Variants in WDR59 observed in about 807,000 individuals in gnomAD.
The protein encoded by WDR59 is GATOR2 complex protein WDR59.
In WDR59, 100 loss-of-function variants were observed where a neutral mutation model predicts 131.2. That is an observed-to-expected ratio of 0.76 (90% CI 0.65 to 0.90). The LOEUF (loss-of-function observed/expected upper bound fraction) is 0.90, where lower values mean the gene tolerates loss of function less well. WDR59 is among the 40% of genes least tolerant of loss of function. The probability of loss-of-function intolerance (pLI) is 0.00; values close to 1 mark genes in which losing one functional copy is unlikely to be tolerated. For missense variants in WDR59, 1,203 were observed against 1,262.2 expected, an observed-to-expected ratio of 0.95 and a Z score of 0.71; for synonymous variants, 601 against 466.2, an observed-to-expected ratio of 1.29 and a Z score of -3.72.
chr16:74,923,152 T>G (rs1425299665), intron 9 of WDR59, among the ~76,000 whole-genome samples: 1 of 152,074 alleles, frequency 6.6e-6, no homozygotes, highest in African/African-American at 2.4e-5. Flanking sequence ...TATCACAATT[T>G]TAAAAAAAGG....
In WDR59 at chr16:74,874,256, A is replaced by C. The variant is rs773068936; in HGVS notation, c.2878T>G (p.Cys960Gly). 2 of 1,614,160 alleles carry C rather than the reference A, an allele frequency of 1.2e-6. No homozygotes were observed. Among genetic ancestry groups the C allele is most frequent in the Non-Finnish European group, 8.5e-7 (1 of 1,180,032 alleles). The change falls in exon 26 of 26, where the codon TGT (cysteine) becomes GGT (glycine). Residue 960 changes from cysteine (C) to glycine (G), a missense_variant. By Grantham distance (159) the Cys-to-Gly change is radical. Transcript: ENST00000262144. ...CAGTGGCACCCACACCCGGTGGGACACACCTCCTGGGTCCGAAACCACTCC... is the reference window on the plus strand; with the variant it reads ...CAGTGGCACCCACACCCGGTGGGACCCACCTCCTGGGTCCGAAACCACTCC... ...MMEWFRTQEV[C>G]PTGCGCHCLL...
chr16:74,924,096 C>A, intron 8 of WDR59, 93 bp from the exon 9 acceptor site: 1 of 1,240,730 alleles, frequency 8.1e-7, no homozygotes, highest in Non-Finnish European at 1.2e-6. Flanking sequence ...TGCTTCTGGT[C>A]CTCTAAAGAT....
intron 8 of WDR59, among the ~76,000 whole-genome samples, chr16:74,928,984 C>T (rs2031134291): frequency 6.6e-6 from 1 of 152,096 alleles, no homozygotes; most frequent in Admixed American, 6.6e-5. Context: ...GGATTAATAA[C>T]CAGAATATAT....
chr16:74,915,235 C>G (rs914253676), intron 13 of WDR59, among the ~76,000 whole-genome samples: 2 of 152,076 alleles, frequency 1.3e-5, no homozygotes, highest in African/African-American at 4.8e-5. Flanking sequence ...TCAGCAGCAA[C>G]CTCTGCCAAA....
chr16:74,881,882 A>G (rs997505096), intron 25 of WDR59, among the ~76,000 whole-genome samples: 2 of 151,214 alleles, frequency 1.3e-5, no homozygotes, highest in African/African-American at 2.4e-5. Context: ...CAAAAAAAAA[A>G]AAAAAGAAAA....
At chr16:74,929,265 CG>C (rs2031162981) in intron 8 of WDR59, among the ~76,000 whole-genome samples, 1 of 152,064 alleles carries the variant, frequency 6.6e-6, no homozygotes, top group South Asian at 2.1e-4. Flanking sequence ...TTAGTAGAGA[CG>C]GGGTTTCACT....
chr16:74,933,234 A>C (rs2031542516), intron 8 of WDR59, among the ~76,000 whole-genome samples: 1 of 152,160 alleles, frequency 6.6e-6, no homozygotes, highest in Non-Finnish European at 1.5e-5. Context: ...CCAGGAGTTC[A>C]AGGCTGCAGT....
intron 14 of WDR59, among the ~76,000 whole-genome samples, 182 bp from the exon 15 acceptor site, chr16:74,910,099 C>G (rs994566187): frequency 6.6e-6 from 1 of 151,544 alleles, no homozygotes; most frequent in African/African-American, 2.4e-5. Flanking sequence ...TCCCGAGTAG[C>G]TGGGACTACA....
chr16:74,896,633 T>TAA (rs554333270), intron 18 of WDR59, among the ~76,000 whole-genome samples: 34,390 of 138,554 alleles, frequency 0.25, 4,255 homozygotes, highest in Middle Eastern at 0.31. Flanking sequence ...AGACCCTGCC[T>TAA]AAAAAAAAAA....
chr16:74,937,448 C>T (rs192088905), intron 8 of WDR59, among the ~76,000 whole-genome samples: 1 of 152,306 alleles, frequency 6.6e-6, no homozygotes, highest in Admixed American at 6.5e-5. Flanking sequence ...GACTTTTCTC[C>T]TTTACTTATA....
At chr16:74,957,785 C>T (rs1216398585) in intron 2 of WDR59, among the ~76,000 whole-genome samples, 1 of 151,972 alleles carries the variant, frequency 6.6e-6, no homozygotes, top group Admixed American at 6.6e-5. Flanking sequence ...TGAGAATAGG[C>T]AGGCTCAAAA....
chr16:74,885,773 G>C lies in WDR59; in HGVS notation c.2569C>G (p.Gln857Glu). ...NKRLLDPANT[Q>E]QFDDFKKCYG... ...CATTTCTTAAAGTCATCAAATTGCT[G>C]GGTATTGGCGGGGTCCAGGAGCCTG... Residue 857 changes from glutamine to glutamate, a missense_variant, in exon 25 of 26, where the codon CAG becomes GAG. By Grantham distance (29) the Gln-to-Glu change is conservative (BLOSUM62 2). Coordinates refer to ENST00000262144, the MANE Select transcript of WDR59 (RefSeq NM_030581.4). 1 of 1,614,074 alleles carries C rather than the reference G, an allele frequency of 6.2e-7. No homozygotes were observed. Among genetic ancestry groups the C allele is most frequent in the Non-Finnish European group, 8.5e-7 (1 of 1,179,994 alleles).
chr16:74,886,476 C>T (rs4888305), intron 23 of WDR59, 80 bp from the exon 24 acceptor site: 1,476,134 of 1,533,542 alleles, frequency 0.96, 711,171 homozygotes, highest in East Asian at 1. Flanking sequence ...TAAGACAGCA[C>T]GTGGCCAATG....
At chr16:74,959,538 G>C (rs1002346363) in intron 2 of WDR59, 5 of 453,864 alleles carry the variant, frequency 1.1e-5, no homozygotes, top group African/African-American at 1.0e-4. Context: ...CGAGGCAGAA[G>C]CATCGCTTGA....
At chr16:74,977,455 G>A (rs551869952) in intron 1 of WDR59, among the ~76,000 whole-genome samples, 10 of 151,620 alleles carry the variant, frequency 6.6e-5, no homozygotes, top group African/African-American at 1.2e-4. Flanking sequence ...TTGGGAGGCC[G>A]AGGCGGGCAG....
At chr16:74,906,319 A>AAAAAAAAAAAAAAAAAC (rs1264969228) in intron 17 of WDR59, among the ~76,000 whole-genome samples, 2 of 145,102 alleles carry the variant, frequency 1.4e-5, no homozygotes, top group African/African-American at 5.0e-5. Flanking sequence ...GTCTCAAAAA[A>AAAAAAAAAAAAAAAAAC]AAAAAAACCC....
At chr16:74,900,428 T>C (rs1017477537) in intron 18 of WDR59, among the ~76,000 whole-genome samples, 1 of 152,216 alleles carries the variant, frequency 6.6e-6, no homozygotes, top group Non-Finnish European at 1.5e-5. Flanking sequence ...ATTATTCTAT[T>C]AACTTAAAGA....
intron 1 of WDR59, among the ~76,000 whole-genome samples, chr16:74,972,221 G>A (rs2034010715): frequency 6.6e-6 from 1 of 152,112 alleles, no homozygotes; most frequent in Admixed American, 6.6e-5. Flanking sequence ...GAGAATTGAT[G>A]GTGATATTTG....
At chr16:74,886,043 T>C (rs1341646880) in intron 24 of WDR59, 1 of 658,298 alleles carries the variant, frequency 1.5e-6, no homozygotes, top group Admixed American at 3.1e-5. Context: ...CCAGTCATGG[T>C]GGCGTGTGCC....
Sources: gnomAD v4.1 joint callset for allele counts (sites outside exome capture counted in the v4.1 genomes callset) on GRCh38, gnomAD v4.1.1 for gene constraint, MANE v1.5 for transcripts, NCBI Gene and HGNC (gene_info 2026-07-23, HGNC 2026-07-21) for gene names.